Variants in KMT2E observed in about 807,000 individuals in gnomAD.
The protein encoded by KMT2E is histone reader KMT2E.
Under a neutral mutation model 184.6 loss-of-function variants are expected in KMT2E, and 30 were observed. The observed-to-expected ratio is 0.16, with a 90% CI of 0.12 to 0.22. The LOEUF (loss-of-function observed/expected upper bound fraction) is 0.22, where lower values mean the gene tolerates loss of function less well. Among genes scored for constraint, KMT2E ranks in the 10% least tolerant of loss-of-function variants. KMT2E has a pLI of 1.00. For missense variants in KMT2E, 2,023 were observed against 2,237.4 expected, an observed-to-expected ratio of 0.90 and a Z score of 1.93; for synonymous variants, 815 against 776.5, an observed-to-expected ratio of 1.05 and a Z score of -0.82.
chr7:105,106,434 A>G (rs562552422), intron 19 of KMT2E, 88 bp from the exon 20 acceptor site: 26 of 1,258,540 alleles, frequency 2.1e-5, no homozygotes, highest in Non-Finnish European at 2.9e-5. Flanking sequence ...GCCATTGTTT[A>G]TATTTTATCT....
In KMT2E at chr7:105,086,824, C is replaced by T. The variant is rs927557171; in HGVS notation, c.1359-3185C>T. Among the ~76,000 whole-genome samples the T allele has an allele frequency of 2.8e-5, 4 of 144,046 alleles. No individual in the cohort carries two copies. The Admixed American group carries it at 2.8e-4, about 10-fold the overall frequency. The allele number at this position is 144,046 out of a possible 152,430, so 94.5% of individuals were successfully genotyped here. ...TATGATTATATATAAAATATATATA[C>T]CACTCCACATGAGCTAGCATATATA... On this transcript the variant is annotated intron_variant, in intron 13 of 26. Transcript: ENST00000311117.
At position 105,111,987 on chromosome 7, in the gene KMT2E, C is replaced by T. The variant is rs544400776; in HGVS notation, c.4231C>T (p.Leu1411Phe). The T allele has an allele frequency of 4.6e-5, 74 of 1,614,200 alleles. No individual in the cohort carries two copies. Among genetic ancestry groups the T allele is most frequent in the Admixed American group, 3.5e-4 (21 of 60,022 alleles). ...QKQLSNNNQA[L>F]SKNHPPQTHV... is the part of the protein sequence containing the mutation. Reference sequence around the variant, plus strand: ...ACAGCTATCAAATAACAACCAAGCACTTTCAAAGAATCATCCTCCTCAGAC... The same window carrying T: ...ACAGCTATCAAATAACAACCAAGCATTTTCAAAGAATCATCCTCCTCAGAC... Residue 1411 changes from leucine (L) to phenylalanine (F), a missense_variant, in exon 27 of 27, where the codon CTT (leucine) becomes TTT (phenylalanine). By Grantham distance (22) the Leu-to-Phe change is conservative. Transcript: ENST00000311117.
chr7:105,070,627 T>C (rs1797243566), intron 6 of KMT2E, among the ~76,000 whole-genome samples: 1 of 108,648 alleles, frequency 9.2e-6, no homozygotes, highest in African/African-American at 4.2e-5. Context: ...AGCGGGACTG[T>C]GTCTCAAAAA....
chr7:105,015,581 A>G (rs757626174), intron 1 of KMT2E, among the ~76,000 whole-genome samples: 8 of 152,164 alleles, frequency 5.3e-5, no homozygotes, highest in Non-Finnish European at 1.2e-4. Flanking sequence ...ATGAATACCT[A>G]TTTGGAAAAT....
rs915864451 is a variant in KMT2E at position 105,111,753 on chromosome 7, A to G, written c.4069-72A>G. On this transcript the variant is annotated intron_variant, in intron 26 of 26. Transcript: ENST00000311117. Reference sequence around the variant, plus strand: ...AAAATTAATATTTAGGTAGTATTAAATACCAACAAGAATAAACCTCAAGGT... The same window carrying G: ...AAAATTAATATTTAGGTAGTATTAAGTACCAACAAGAATAAACCTCAAGGT... 3.4e-6 allele frequency: 5 copies of G among 1,489,200 alleles called. No individual in the cohort carries two copies. In the African/African-American group the frequency reaches 4.2e-5, roughly 13 times the overall value. 92.2% of individuals were successfully genotyped at this position (1,489,200 alleles called of 1,614,324 possible).
intron 6 of KMT2E, among the ~76,000 whole-genome samples, chr7:105,068,309 T>C (rs1012019933): frequency 4.1e-4 from 62 of 152,168 alleles, no homozygotes; most frequent in African/African-American, 1.5e-3. Context: ...TTTTGTCTTA[T>C]CAGGTGGCAC....
At position 105,063,243 on chromosome 7, in the gene KMT2E, A is replaced by C. The variant is rs1348556582; in HGVS notation, c.187-108A>C. The C allele has an allele frequency of 1.2e-5, 9 of 774,962 alleles. No homozygotes were observed. The Admixed American group carries it at 2.9e-4, about 25-fold the overall frequency. 48.0% of individuals were successfully genotyped at this position (774,962 alleles called of 1,614,324 possible). Reference sequence around the variant, plus strand: ...ATTAAGGAAGGAATGAGCCAGTCTCATATCTCTTGAGTATTGAAATTAAGG... The same window carrying C: ...ATTAAGGAAGGAATGAGCCAGTCTCCTATCTCTTGAGTATTGAAATTAAGG... On this transcript the variant is annotated intron_variant, in intron 4 of 26. Coordinates refer to ENST00000311117, the MANE Select transcript of KMT2E (RefSeq NM_182931.3).
intron 13 of KMT2E, among the ~76,000 whole-genome samples, chr7:105,087,815 T>C (rs1042094305): frequency 6.6e-6 from 1 of 151,014 alleles, no homozygotes; most frequent in Non-Finnish European, 1.5e-5. Flanking sequence ...TGGGTAGCTG[T>C]TTTCTTGCTT....
intron 1 of KMT2E, among the ~76,000 whole-genome samples, chr7:105,024,623 CT>C (rs1226520577): frequency 6.6e-6 from 1 of 152,128 alleles, no homozygotes; most frequent in Non-Finnish European, 1.5e-5. Context: ...CTGGCTCCAG[CT>C]CATTTTTATA....
chr7:105,058,280 C>A (rs1378429311), intron 3 of KMT2E, among the ~76,000 whole-genome samples: 2 of 152,064 alleles, frequency 1.3e-5, no homozygotes, highest in African/African-American at 4.8e-5. Flanking sequence ...CTGTGTGCTT[C>A]TTATCACATA....
intron 3 of KMT2E, among the ~76,000 whole-genome samples, chr7:105,051,160 T>TTCCTTC (rs1562892430): frequency 6.7e-6 from 1 of 150,168 alleles, no homozygotes; most frequent in African/African-American, 2.5e-5. Flanking sequence ...TTCCTCCCTT[T>TTCCTTC]CTTCCTTCCT....
intron 3 of KMT2E, among the ~76,000 whole-genome samples, chr7:105,050,226 A>C (rs1318774231): frequency 6.6e-6 from 1 of 152,176 alleles, no homozygotes; most frequent in Non-Finnish European, 1.5e-5. Flanking sequence ...AGTCTTCTAT[A>C]ATTTATATAC....
At chr7:105,023,057 A>G (rs1382668025) in intron 1 of KMT2E, among the ~76,000 whole-genome samples, 2 of 152,192 alleles carry the variant, frequency 1.3e-5, no homozygotes, top group Admixed American at 6.5e-5. Context: ...CACACAAAAG[A>G]TGTGCTTCTA....
chr7:105,107,946 T>C (rs751262949), intron 22 of KMT2E, 21 bp downstream of exon 22: 2 of 1,520,370 alleles, frequency 1.3e-6, no homozygotes, highest in Non-Finnish European at 1.8e-6. Flanking sequence ...TAACAATTTA[T>C]AGTCCTTTTA....
intron 1 of KMT2E, among the ~76,000 whole-genome samples, chr7:105,027,271 T>G (rs995497393): frequency 6.6e-6 from 1 of 151,924 alleles, no homozygotes; most frequent in Non-Finnish European, 1.5e-5. Flanking sequence ...TTTTTTTTTG[T>G]AGAGATAGGG....
chr7:105,038,308 T>C (rs778487767), intron 2 of KMT2E, 109 bp downstream of exon 2: 26 of 152,360 alleles, frequency 1.7e-4, no homozygotes, highest in Non-Finnish European at 2.9e-4. Context: ...ACACATAAGA[T>C]GTGAAACATT....
intron 1 of KMT2E, among the ~76,000 whole-genome samples, chr7:105,017,427 GTTTT>G: frequency 8.8e-6 from 1 of 113,372 alleles, no homozygotes; most frequent in South Asian, 2.6e-4. Context: ...GTTTTTTTTT[GTTTT>G]TTGTTTTTTT....
At position 105,078,972 on chromosome 7, in the gene KMT2E, A is replaced by T; in HGVS notation, c.1248+9A>T. The T allele has an allele frequency of 2.6e-6, 4 of 1,542,608 alleles. No homozygotes were observed. Among genetic ancestry groups the T allele is most frequent in the Non-Finnish European group, 3.6e-6 (4 of 1,115,866 alleles). Reference sequence around the variant, plus strand: ...GTACACCCAATGCAGAGGTAAGCTTATAGAAATTTTTTGGGGAGATGTGGG... The same window carrying T: ...GTACACCCAATGCAGAGGTAAGCTTTTAGAAATTTTTTGGGGAGATGTGGG... On this transcript the variant is annotated intron_variant, in intron 12 of 26. Coordinates refer to ENST00000311117, the MANE Select transcript of KMT2E (RefSeq NM_182931.3).
chr7:105,059,989 T>G (rs914383748), intron 3 of KMT2E, among the ~76,000 whole-genome samples: 2 of 65,762 alleles, frequency 3.0e-5, no homozygotes, highest in African/African-American at 2.3e-4. Flanking sequence ...TTTTTTTTTT[T>G]TTTTTTTTTT....
Sources: allele counts gnomAD v4.1 joint callset (sites outside exome capture counted in the v4.1 genomes callset), GRCh38; gene constraint gnomAD v4.1.1; transcripts MANE v1.5; gene names NCBI Gene and HGNC (gene_info 2026-07-23, HGNC 2026-07-21).